Variants in UNC13C observed in about 807,000 individuals in gnomAD.
UNC13C encodes the protein protein unc-13 homolog C.
In UNC13C, 174 loss-of-function variants were observed where a neutral mutation model predicts 245.4. The ratio of observed to expected loss-of-function variants is 0.71; its 90% CI spans 0.63 to 0.80. The LOEUF is 0.80. UNC13C is among the 30% of genes least tolerant of loss of function. UNC13C has a pLI of 0.00. For missense variants in UNC13C, 2,829 were observed against 2,602.9 expected, an observed-to-expected ratio of 1.09 and a Z score of -1.89; for synonymous variants, 992 against 895.1, an observed-to-expected ratio of 1.11 and a Z score of -1.93.
At chr15:53,898,955 C>T in the UNC13C span, among the ~76,000 whole-genome samples, 3 of 152,000 alleles carry the variant, frequency 2.0e-5, no homozygotes, top group African/African-American at 7.2e-5. Flanking sequence ...ACACTGCCCC[C>T]CACCCCATCC....
chr15:54,451,663 T>G (rs1184597318), intron 19 of UNC13C, among the ~76,000 whole-genome samples: 1 of 152,202 alleles, frequency 6.6e-6, no homozygotes, highest in Non-Finnish European at 1.5e-5. Context: ...TATCCTGAAT[T>G]GTTTTTCTGA....
intron 10 of UNC13C, among the ~76,000 whole-genome samples, chr15:54,285,101 CT>C (rs1225557434): frequency 6.6e-6 from 1 of 152,156 alleles, no homozygotes; most frequent in East Asian, 1.9e-4. Flanking sequence ...AGTGCATGAA[CT>C]CCTCTTTTCC....
At chr15:54,617,602 T>C (rs1322672694) in intron 30 of UNC13C, among the ~76,000 whole-genome samples, 1 of 152,128 alleles carries the variant, frequency 6.6e-6, no homozygotes, top group Non-Finnish European at 1.5e-5. Flanking sequence ...TAAAAAATTG[T>C]AGCCATTATT....
intron 4 of UNC13C, among the ~76,000 whole-genome samples, chr15:54,172,738 A>G (rs866434578): frequency 1.3e-5 from 1 of 75,194 alleles, no homozygotes; most frequent in Non-Finnish European, 2.6e-5. Context: ...ATATATATAT[A>G]TATATATATA....
intron 7 of UNC13C, among the ~76,000 whole-genome samples, chr15:54,248,775 G>A (rs2036064884): frequency 6.6e-6 from 1 of 152,126 alleles, no homozygotes; most frequent in South Asian, 2.1e-4. Flanking sequence ...TAGCAAGGAT[G>A]GATCTAGCCA....
rs573535794 is a variant in UNC13C at position 54,444,896 on chromosome 15, G to A, written c.4933+29829G>A. Among the ~76,000 whole-genome samples, 17 of 151,584 alleles carry A rather than the reference G, an allele frequency of 1.1e-4. No individual in the cohort carries two copies. In the South Asian group the frequency reaches 2.3e-3, roughly 21 times the overall value. On this transcript the variant is annotated intron_variant, in intron 19 of 32. Transcript: ENST00000260323. ...TTTGTTACATATGTATACATGTGCC[G>A]TGTTGGTGTGCTGCACTCATTAACT... is the stretch of plus-strand genomic sequence containing the variant.
chr15:54,179,435 T>G (rs934616049), intron 4 of UNC13C, among the ~76,000 whole-genome samples: 1 of 151,632 alleles, frequency 6.6e-6, no homozygotes. Flanking sequence ...CACTAAAGAG[T>G]TGAAATACGT....
At chr15:53,994,705 A>G (rs894420621) in intron 1 of UNC13C, among the ~76,000 whole-genome samples, 1 of 152,194 alleles carries the variant, frequency 6.6e-6, no homozygotes, top group Non-Finnish European at 1.5e-5. Context: ...CTTGGAAGCC[A>G]TGTCAATAGT....
chr15:53,982,812 C>T (rs1010118639), intron 1 of UNC13C, among the ~76,000 whole-genome samples: 1 of 152,120 alleles, frequency 6.6e-6, no homozygotes, highest in Admixed American at 6.5e-5. Context: ...TCATGAAGAT[C>T]GCTTCTAGTT....
At chr15:54,067,527 C>T (rs561400437) in intron 2 of UNC13C, among the ~76,000 whole-genome samples, 1 of 152,250 alleles carries the variant, frequency 6.6e-6, no homozygotes, top group African/African-American at 2.4e-5. Context: ...TATGATAATG[C>T]ATTTGAATAC....
At position 54,476,630 on chromosome 15, in the gene UNC13C, G is replaced by A. The variant is rs572023963; in HGVS notation, c.4934-17978G>A. On this transcript the variant is annotated intron_variant, in intron 19 of 32. Coordinates refer to ENST00000260323, the MANE Select transcript of UNC13C (RefSeq NM_001080534.3). ...GATCAGATAGTTGTAGATATGCAGC[G>A]TTGTTTCTGAGGGCTCTGTTCTGTT... is the stretch of plus-strand genomic sequence containing the variant. Among the ~76,000 whole-genome samples, 520 of 151,866 alleles carry A rather than the reference G, an allele frequency of 3.4e-3. 5 individuals are homozygous for A. Among genetic ancestry groups the A allele is most frequent in the African/African-American group, 0.011 (456 of 41,420 alleles).
At chr15:54,601,511 A>G (rs1467668697) in intron 30 of UNC13C, among the ~76,000 whole-genome samples, 1 of 152,200 alleles carries the variant, frequency 6.6e-6, no homozygotes, top group Non-Finnish European at 1.5e-5. Context: ...CAGACACAAA[A>G]TGTGGGCAAA....
rs533837943 is a variant in UNC13C at position 54,455,541 on chromosome 15, A to G, written c.4934-39067A>G. On this transcript the variant is annotated intron_variant, in intron 19 of 32. Coordinates refer to ENST00000260323, the MANE Select transcript of UNC13C (RefSeq NM_001080534.3). ...ACATCTGCTTTTTTTTTTTTTTTTT[A>G]ATTATGGCCATTCTTGCAGGAGTAA... Among the ~76,000 whole-genome samples, 21 of 127,946 alleles carry G rather than the reference A, an allele frequency of 1.6e-4. No individual in the cohort carries two copies. The South Asian group carries it at 4.9e-3, about 30-fold the overall frequency. 83.9% of individuals were successfully genotyped at this position (127,946 alleles called of 152,430 possible). A position where few individuals can be genotyped will look rare whatever the true frequency, so the allele number is the denominator to read the frequency against.
At chr15:54,553,413 T>C (rs1896951023) in intron 28 of UNC13C, among the ~76,000 whole-genome samples, 1 of 129,468 alleles carries the variant, frequency 7.7e-6, no homozygotes, top group South Asian at 2.3e-4. Flanking sequence ...TATATTGTAA[T>C]ATATAATATT....
At chr15:54,303,465 T>C (rs1381243338) in intron 13 of UNC13C, among the ~76,000 whole-genome samples, 2 of 152,162 alleles carry the variant, frequency 1.3e-5, no homozygotes, top group African/African-American at 4.8e-5. Flanking sequence ...TTCATTTCCA[T>C]CTTTTCTGTG....
In UNC13C at chr15:54,627,160, G is replaced by C; in HGVS notation, c.*47G>C. On this transcript the variant is annotated 3_prime_UTR_variant, in exon 33 of 33. Coordinates refer to ENST00000260323, the MANE Select transcript of UNC13C (RefSeq NM_001080534.3). The stretch of plus-strand genomic sequence containing the variant: ...ACATAACTATAATTGTTTGACTACT[G>C]CATGCATGTGCAAATACATGGGAAT... The C allele has an allele frequency of 6.6e-7, 1 of 1,517,266 alleles. No individual in the cohort carries two copies. Among genetic ancestry groups the C allele is most frequent in the South Asian group, 1.3e-5 (1 of 78,222 alleles). The allele number at this position is 1,517,266 out of a possible 1,614,324, so 94.0% of individuals were successfully genotyped here.
In UNC13C at chr15:54,492,280, G is replaced by GT. The variant is rs769718378; in HGVS notation, c.4934-2322dup. Reference sequence around the variant, plus strand: ...ACAGTTTATATATAGTTTTCAGAAGGTTTTTTCTAAAGTACCCAAAATATT... The same window carrying GT: ...ACAGTTTATATATAGTTTTCAGAAGGTTTTTTTCTAAAGTACCCAAAATATT... On this transcript the variant is annotated intron_variant, in intron 19 of 32. Coordinates refer to ENST00000260323, the MANE Select transcript of UNC13C (RefSeq NM_001080534.3). 3.3e-5 allele frequency among the ~76,000 whole-genome samples: 5 copies of GT among 151,962 alleles called. No homozygotes were observed. In the South Asian group the frequency reaches 6.2e-4, roughly 19 times the overall value.
At chr15:54,084,269 T>G (rs1899117397) in intron 2 of UNC13C, among the ~76,000 whole-genome samples, 1 of 152,210 alleles carries the variant, frequency 6.6e-6, no homozygotes, top group South Asian at 2.1e-4. Flanking sequence ...TTCTACTCTC[T>G]TTCTATTGGT....
intron 23 of UNC13C, among the ~76,000 whole-genome samples, chr15:54,509,964 A>C (rs565988358): frequency 1.3e-5 from 2 of 152,298 alleles, no homozygotes; most frequent in East Asian, 1.9e-4. Flanking sequence ...ATCCATGTCA[A>C]GTGAGCCAAA....
Sources: gnomAD v4.1 joint callset for allele counts (sites outside exome capture counted in the v4.1 genomes callset) on GRCh38, gnomAD v4.1.1 for gene constraint, MANE v1.5 for transcripts, NCBI Gene and HGNC (gene_info 2026-07-23, HGNC 2026-07-21) for gene names.